The following POU6F2 variants were observed in gnomAD, a reference collection of about 807,000 sequenced individuals.
The protein encoded by POU6F2 is POU domain, class 6, transcription factor 2.
In POU6F2, 31 loss-of-function variants were observed where a neutral mutation model predicts 71.3. The ratio of observed to expected loss-of-function variants is 0.43; its 90% CI spans 0.33 to 0.59. The LOEUF (loss-of-function observed/expected upper bound fraction) is 0.59. Ranked by LOEUF, POU6F2 falls within the 20% of genes least tolerant of loss-of-function variation. The pLI is 0.04. For synonymous variants in POU6F2, 347 were observed against 355.7 expected, an observed-to-expected ratio of 0.98 and a Z score of 0.27; for missense variants, 783 against 856.8, an observed-to-expected ratio of 0.91 and a Z score of 1.07.
intron 5 of POU6F2, among the ~76,000 whole-genome samples, chr7:39,387,504 C>T (rs1786973211): frequency 1.3e-5 from 2 of 152,180 alleles, no homozygotes; most frequent in African/African-American, 4.8e-5. Context: ...AACAAATACA[C>T]TAGTTTTTCC....
chr7:39,370,978 GT>G (rs1017565183), intron 5 of POU6F2, among the ~76,000 whole-genome samples: 8 of 152,240 alleles, frequency 5.3e-5, no homozygotes, highest in Non-Finnish European at 8.8e-5. Context: ...TCTCCTATTA[GT>G]TCTGCTTCTC....
chr7:38,986,603 T>G (rs1347036073), intron 1 of POU6F2, among the ~76,000 whole-genome samples: 1 of 152,152 alleles, frequency 6.6e-6, no homozygotes, highest in Non-Finnish European at 1.5e-5. Context: ...AATTCTTATA[T>G]GCACGTGATT....
At position 39,198,780 on chromosome 7, in the gene POU6F2, G is replaced by A. The variant is rs117742574; in HGVS notation, c.278-5455G>A. On this transcript the variant is annotated intron_variant, in intron 2 of 9. Transcript: ENST00000518318. The stretch of plus-strand genomic sequence containing the variant: ...TGGCAATAAAAAGTGGCAAACAGTG[G>A]CAGTAGCTCAGCAGAGATTTTTATA... Among the ~76,000 whole-genome samples, 236 of 152,290 alleles carry A rather than the reference G, an allele frequency of 1.5e-3. 2 individuals are homozygous for A. The highest frequency in any genetic ancestry group is 2.7e-3 in the Non-Finnish European group (184 of 68,030).
chr7:39,129,111 C>G (rs1157826673), intron 2 of POU6F2, among the ~76,000 whole-genome samples: 1 of 152,138 alleles, frequency 6.6e-6, no homozygotes, highest in Non-Finnish European at 1.5e-5. Flanking sequence ...AAGGGAGATT[C>G]TTTATCTTAG....
chr7:39,314,617 T>C (rs527641592), intron 4 of POU6F2, among the ~76,000 whole-genome samples: 2 of 152,362 alleles, frequency 1.3e-5, no homozygotes, highest in African/African-American at 2.4e-5. Context: ...CTGAGTCCAG[T>C]TGGCAAGTTA....
At chr7:39,425,439 T>A (rs1787946529) in intron 6 of POU6F2, among the ~76,000 whole-genome samples, 1 of 152,186 alleles carries the variant, frequency 6.6e-6, no homozygotes. Context: ...TCCTGACTCT[T>A]CTGACCTTTT....
At chr7:39,076,567 C>G (rs1791008102) in intron 1 of POU6F2, among the ~76,000 whole-genome samples, 1 of 152,064 alleles carries the variant, frequency 6.6e-6, no homozygotes. Context: ...AGCTAACAGA[C>G]AAAGTATCAT....
chr7:39,323,417 CTT>C (rs1338801484), intron 4 of POU6F2, among the ~76,000 whole-genome samples: 1 of 152,102 alleles, frequency 6.6e-6, no homozygotes, highest in Admixed American at 6.5e-5. Flanking sequence ...ATTTTTTAGT[CTT>C]GTCAACCCAT....
chr7:39,120,955 C>T (rs945131208), intron 2 of POU6F2: 1 of 152,104 alleles, frequency 6.6e-6, no homozygotes, highest in African/African-American at 2.4e-5. Flanking sequence ...CAAGATTCTG[C>T]TAGGCCACTA....
At chr7:39,308,525 G>T (rs963677859) in intron 4 of POU6F2, among the ~76,000 whole-genome samples, 1 of 152,164 alleles carries the variant, frequency 6.6e-6, no homozygotes, top group Admixed American at 6.5e-5. Context: ...GTTGGTCCTG[G>T]ACTACAGATG....
chr7:39,089,113 G>C (rs981305391), intron 2 of POU6F2, among the ~76,000 whole-genome samples: 2 of 152,152 alleles, frequency 1.3e-5, no homozygotes, highest in African/African-American at 4.8e-5. Context: ...AAGGGCCCTT[G>C]TGTTTTATAA....
intron 1 of POU6F2, among the ~76,000 whole-genome samples, chr7:38,990,998 T>G (rs1788590447): frequency 6.6e-6 from 1 of 152,166 alleles, no homozygotes; most frequent in African/African-American, 2.4e-5. Context: ...GGTGGTTTTC[T>G]TTCTTTCTAG....
At chr7:39,359,068 T>C (rs1786322950) in intron 5 of POU6F2, among the ~76,000 whole-genome samples, 1 of 152,138 alleles carries the variant, frequency 6.6e-6, no homozygotes, top group Admixed American at 6.5e-5. Context: ...ACCTAGAACA[T>C]GGTACATATT....
chr7:39,350,741 A>G (rs896151441), intron 5 of POU6F2, among the ~76,000 whole-genome samples: 1 of 152,250 alleles, frequency 6.6e-6, no homozygotes, highest in Non-Finnish European at 1.5e-5. Context: ...GAGTATCTTC[A>G]TACCAGAAAG....
At chr7:39,221,099 G>T (rs147929295) in intron 4 of POU6F2, among the ~76,000 whole-genome samples, 2,160 of 152,088 alleles carry the variant, frequency 0.014, 55 homozygotes, top group African/African-American at 0.048. Context: ...TAAATTGCAT[G>T]GGTGGCTCCC....
In POU6F2 at chr7:39,466,199, A is replaced by G. The variant is rs1458112257; in HGVS notation, c.*1513A>G. On this transcript the variant is annotated 3_prime_UTR_variant, in exon 10 of 10. Coordinates refer to ENST00000518318, the MANE Select transcript of POU6F2 (RefSeq NM_001370959.1). ...CTTCAGGGGAAAGGAAGTTTGAAGA[A>G]GCTTTCACCAAAAGAAAAAAATATA... is the stretch of plus-strand genomic sequence containing the variant. The G allele has an allele frequency of 6.6e-6, 1 of 152,264 alleles. No individual in the cohort carries two copies. Among genetic ancestry groups the G allele is most frequent in the Non-Finnish European group, 1.5e-5 (1 of 68,050 alleles). The allele number at this position is 152,264 out of a possible 1,614,324, so 9.4% of individuals were successfully genotyped here. A position where few individuals can be genotyped will look rare whatever the true frequency, so the allele number is the denominator to read the frequency against.
At chr7:39,396,847 G>A (rs1303723998) in intron 5 of POU6F2, among the ~76,000 whole-genome samples, 1 of 151,798 alleles carries the variant, frequency 6.6e-6, no homozygotes, top group African/African-American at 2.4e-5. Context: ...CAGGGGTGGG[G>A]AGATGTAGCC....
chr7:39,109,461 T>C (rs946734710), intron 2 of POU6F2, among the ~76,000 whole-genome samples: 14 of 152,184 alleles, frequency 9.2e-5, no homozygotes, highest in African/African-American at 3.1e-4. Flanking sequence ...CTCACCTGAG[T>C]TGGTCTTTGG....
At chr7:39,015,753 A>ATGT (rs1336702969) in intron 1 of POU6F2, among the ~76,000 whole-genome samples, 7 of 76,720 alleles carry the variant, frequency 9.1e-5, no homozygotes, top group African/African-American at 1.1e-4. Context: ...ATTATATATT[A>ATGT]TATATAGATA....
Sources: gnomAD v4.1 joint callset for allele counts (sites outside exome capture counted in the v4.1 genomes callset) on GRCh38, gnomAD v4.1.1 for gene constraint, MANE v1.5 for transcripts, NCBI Gene and HGNC (gene_info 2026-07-23, HGNC 2026-07-21) for gene names.